The following TTC28 variants were observed in gnomAD, a reference collection of about 807,000 sequenced individuals.
TTC28 encodes the protein tetratricopeptide repeat domain 28.
In TTC28, 61 loss-of-function variants were observed where a neutral mutation model predicts 198.0. That is an observed-to-expected ratio of 0.31 (90% CI 0.25 to 0.38). TTC28 has a LOEUF of 0.38. Ranked by LOEUF, TTC28 falls within the 10% of genes least tolerant of loss-of-function variation. TTC28 has a pLI of 1.00. For missense variants in TTC28, 2,678 were observed against 3,164.0 expected (o/e 0.85, Z 3.69); for synonymous variants, 1,171 against 1,297.8 (o/e 0.90, Z 2.10).
chr22:28,655,867 A>G (rs1245105828), intron 1 of TTC28, among the ~76,000 whole-genome samples: 1 of 151,746 alleles, frequency 6.6e-6, no homozygotes, highest in East Asian at 1.9e-4. Context: ...AAGAAAAAAA[A>G]AAAAAAACTT....
At chr22:28,011,480 C>T (rs1241508570) in intron 14 of TTC28, among the ~76,000 whole-genome samples, 2 of 152,122 alleles carry the variant, frequency 1.3e-5, no homozygotes, top group Non-Finnish European at 2.9e-5. Flanking sequence ...CCTGTAGTCC[C>T]AGCTATTCAG....
chr22:28,357,925 T>C (rs553816827), intron 2 of TTC28, among the ~76,000 whole-genome samples: 72 of 152,088 alleles, frequency 4.7e-4, no homozygotes, highest in Non-Finnish European at 8.5e-4. Flanking sequence ...AAATGCCAGA[T>C]AGATAGTAAA....
chr22:28,013,108 A>C (rs563135597), intron 14 of TTC28, among the ~76,000 whole-genome samples: 1 of 152,356 alleles, frequency 6.6e-6, no homozygotes, highest in African/African-American at 2.4e-5. Flanking sequence ...GGGAAGGTAT[A>C]GGCATTTTCT....
Position 28,337,523 on chromosome 22 carries a change from T to A in TTC28, c.382-30880A>T, listed in dbSNP as rs1178064750. ...GACTTGCTTTATGAATCTGGGAGCTTCTGTATTGGGTGCATATGTATTTAG... is the reference window on the plus strand; with the variant it reads ...GACTTGCTTTATGAATCTGGGAGCTACTGTATTGGGTGCATATGTATTTAG... On this transcript the variant is annotated intron_variant, in intron 2 of 22. Coordinates refer to ENST00000397906, the MANE Select transcript of TTC28 (RefSeq NM_001145418.2). Among the ~76,000 whole-genome samples the A allele has an allele frequency of 2.0e-5, 3 of 149,950 alleles. No individual in the cohort carries two copies. In the Admixed American group the frequency reaches 2.0e-4, roughly 10 times the overall value.
intron 1 of TTC28, among the ~76,000 whole-genome samples, chr22:28,671,540 C>A (rs962927817): frequency 4.1e-5 from 6 of 147,252 alleles, no homozygotes; most frequent in Non-Finnish European, 8.9e-5. Context: ...GACACTGAGG[C>A]AGGAGAATGG....
intron 12 of TTC28, among the ~76,000 whole-genome samples, chr22:28,046,891 C>T (rs1222082846): frequency 2.0e-5 from 3 of 152,166 alleles, no homozygotes; most frequent in East Asian, 1.9e-4. Flanking sequence ...ACCTCTTTAA[C>T]GGAGGTGTCA....
intron 1 of TTC28, among the ~76,000 whole-genome samples, chr22:28,674,101 T>G (rs1264721684): frequency 6.6e-6 from 1 of 152,136 alleles, no homozygotes; most frequent in Non-Finnish European, 1.5e-5. Flanking sequence ...AAATATTCTA[T>G]ATAGCAACCT....
intron 2 of TTC28, among the ~76,000 whole-genome samples, chr22:28,315,334 C>T (rs1434618213): frequency 6.6e-6 from 1 of 151,936 alleles, no homozygotes; most frequent in African/African-American, 2.4e-5. Context: ...AGAGTTCTGA[C>T]AAAGTTGGTA....
chr22:28,519,646 C>G (rs1009056284), intron 2 of TTC28, among the ~76,000 whole-genome samples: 3 of 152,176 alleles, frequency 2.0e-5, no homozygotes, highest in African/African-American at 7.2e-5. Flanking sequence ...CTTTACCAGA[C>G]CTCCCCTTTC....
At chr22:28,531,563 T>C (rs572828550) in intron 2 of TTC28, among the ~76,000 whole-genome samples, 2 of 152,320 alleles carry the variant, frequency 1.3e-5, no homozygotes, top group South Asian at 2.1e-4. Flanking sequence ...GCGGATCTAA[T>C]AGACATCTAC....
intron 2 of TTC28, among the ~76,000 whole-genome samples, chr22:28,543,620 C>G (rs186952727): frequency 7.4e-4 from 112 of 152,202 alleles, no homozygotes; most frequent in Middle Eastern, 3.4e-3. Flanking sequence ...AATCAATTTT[C>G]CTATGAAGAA....
chr22:28,005,663 C>T lies in TTC28; in HGVS notation c.4219-4110G>A, dbSNP rs914810809. Among the ~76,000 whole-genome samples the T allele has an allele frequency of 1.3e-5, 2 of 152,162 alleles. No individual in the cohort carries two copies. The highest frequency in any genetic ancestry group is 2.9e-5 in the Non-Finnish European group (2 of 68,034). On this transcript the variant is annotated intron_variant, in intron 14 of 22. Transcript: ENST00000397906. This position sits in a 1 kb window ranked among gnomAD's most constrained non-coding sequence, Gnocchi z 4.9. ...CTGTCCCGTTGCCACCTTGCAGTCTCGGCCTGGTGATAATCTTCCCTCACT... is the reference window on the plus strand; with the variant it reads ...CTGTCCCGTTGCCACCTTGCAGTCTTGGCCTGGTGATAATCTTCCCTCACT...
In TTC28 at chr22:27,983,841, C is replaced by T; in HGVS notation, c.5826G>A (p.Glu1942=). 6.5e-7 allele frequency: 1 copy of T among 1,550,222 alleles called. No homozygotes were observed. The highest frequency in any genetic ancestry group is 8.7e-7 in the Non-Finnish European group (1 of 1,146,556). The change falls in exon 23 of 23, where the codon GAG becomes GAA. Residue 1942 remains glutamate (E), a synonymous_variant. Transcript: ENST00000397906. ...QSLLSLFDST[E]LPKRLSLDSS... ...TGTCAAGGCTGAGGCGCTTGGGTAGCTCAGTAGAATCTAAGCACAAAACAC... is the reference window on the plus strand; with the variant it reads ...TGTCAAGGCTGAGGCGCTTGGGTAGTTCAGTAGAATCTAAGCACAAAACAC...
chr22:27,983,380 G>C lies in TTC28; in HGVS notation c.6287C>G (p.Ser2096Trp). 2 of 1,551,222 alleles carry C rather than the reference G, an allele frequency of 1.3e-6. No individual in the cohort carries two copies. Among genetic ancestry groups the C allele is most frequent in the Non-Finnish European group, 1.7e-6 (2 of 1,147,060 alleles). Residue 2096 changes from serine (S) to tryptophan (W), a missense_variant, in exon 23 of 23, where the codon TCG becomes TGG. Ser to Trp is a radical substitution (Grantham distance 177). Coordinates refer to ENST00000397906, the MANE Select transcript of TTC28 (RefSeq NM_001145418.2). ...QPGTAGGMRV[S>W]VSSKGSISTP... The stretch of plus-strand genomic sequence containing the variant: ...GCTGATGCTCCCTTTGGAGCTCACC[G>C]AGACTCTCATGCCTCCGGCTGTCCC...
chr22:27,992,370 T>A, intron 19 of TTC28: 1 of 583,636 alleles, frequency 1.7e-6, no homozygotes, highest in Non-Finnish European at 3.0e-6. Flanking sequence ...GCAGTGCCGC[T>A]GGCACGGATG....
chr22:28,412,321 C>A (rs899400956), intron 2 of TTC28, among the ~76,000 whole-genome samples: 7 of 152,148 alleles, frequency 4.6e-5, no homozygotes, highest in Non-Finnish European at 8.8e-5. Flanking sequence ...AGTTCATCCT[C>A]CACCATGCAA....
At position 28,465,080 on chromosome 22, in the gene TTC28, C is replaced by T. The variant is rs957912838; in HGVS notation, c.382-158437G>A. ...ATATATAACAAGCAGAACTATAAAA[C>T]ATCATAGATTTACATTTTCTGGTTA... On this transcript the variant is annotated intron_variant, in intron 2 of 22. Transcript: ENST00000397906. 2.0e-5 allele frequency among the ~76,000 whole-genome samples: 3 copies of T among 152,268 alleles called. No individual in the cohort carries two copies. The South Asian group carries it at 6.2e-4, about 32-fold the overall frequency.
intron 5 of TTC28, among the ~76,000 whole-genome samples, chr22:28,201,751 C>CAAAAAAAAAAAAAAAAAAAAAA (rs34790960): frequency 6.2e-5 from 5 of 81,006 alleles, no homozygotes; most frequent in African/African-American, 2.5e-4. Flanking sequence ...TTACAGAAAG[C>CAAAAAAAAAAAAAAAAAAAAAA]AAAAAAAAAA....
chr22:28,540,458 G>T (rs2049389155), intron 2 of TTC28, among the ~76,000 whole-genome samples: 1 of 152,148 alleles, frequency 6.6e-6, no homozygotes, highest in Non-Finnish European at 1.5e-5. Flanking sequence ...GCAGGAAGTT[G>T]TTTCTAAATG....
Sources: gnomAD v4.1 joint callset for allele counts (sites outside exome capture counted in the v4.1 genomes callset) on GRCh38, gnomAD v4.1.1 for gene constraint, Gnocchi (gnomAD v3.1) non-coding constraint, MANE v1.5 for transcripts, NCBI Gene and HGNC (gene_info 2026-07-23, HGNC 2026-07-21) for gene names.